The following ATXN8OS variants were observed in gnomAD, a reference collection of about 807,000 sequenced individuals.
ATXN8OS encodes ATXN8 opposite strand lncRNA.
In ATXN8OS at chr13:70,113,809, T is replaced by C. The variant is rs573200619; in HGVS notation, n.241-1332T>C. 9.8e-5 allele frequency among the ~76,000 whole-genome samples: 15 copies of C among 152,310 alleles called. No individual in the cohort carries two copies. The East Asian group carries it at 2.9e-3, about 29-fold the overall frequency. On this transcript the variant is annotated intron_variant and non_coding_transcript_variant, in intron 1 of 4. Coordinates refer to ENST00000678624, the Ensembl canonical transcript of ATXN8OS. ...TTTATATTTTCATTCACCTGCATTA[T>C]TACCAGATCTTTTAAAAATCTAGGA...
rs576342466 is a variant in ATXN8OS at position 70,107,949 on chromosome 13, C to A, written n.170C>A. 14 of 463,668 alleles carry A rather than the reference C, an allele frequency of 3.0e-5. No individual in the cohort carries two copies. In the South Asian group the frequency reaches 6.9e-4, roughly 23 times the overall value. The allele number at this position is 463,668 out of a possible 1,614,324, so 28.7% of individuals were successfully genotyped here. A position where few individuals can be genotyped will look rare whatever the true frequency, so the allele number is the denominator to read the frequency against. On this transcript the variant is annotated non_coding_transcript_exon_variant, in exon 1 of 5. Transcript: ENST00000678624. ...GCGTGGGGACACCACCAGGCAGGAG[C>A]AGAGGCAGGACTGGGACGCCAAAAG...
intron 3 of ATXN8OS, among the ~76,000 whole-genome samples, chr13:70,147,121 G>C (rs577294436): frequency 7.9e-5 from 12 of 152,116 alleles, no homozygotes; most frequent in South Asian, 6.2e-4. Flanking sequence ...AAATAAGCAA[G>C]TCAAAATACA....
At chr13:70,107,634 G>A, upstream of ATXN8OS, 1 of 1,567,944 alleles carries the variant, frequency 6.4e-7, no homozygotes. Context: ...ACGGGTGGCT[G>A]AAGAGTTTCC....
intron 1 of ATXN8OS, among the ~76,000 whole-genome samples, chr13:70,111,474 C>T (rs1888197994): frequency 6.6e-6 from 1 of 152,116 alleles, no homozygotes; most frequent in Non-Finnish European, 1.5e-5. Flanking sequence ...TGTCTCAGGT[C>T]CCTCTTCCTT....
intron 3 of ATXN8OS, among the ~76,000 whole-genome samples, chr13:70,137,357 A>G (rs1238777479): frequency 6.6e-6 from 1 of 152,114 alleles, no homozygotes; most frequent in Non-Finnish European, 1.5e-5. Context: ...TATGTGAAAC[A>G]CCTCTTATTG....
At chr13:70,133,063 G>A (rs1566601998) in intron 3 of ATXN8OS, among the ~76,000 whole-genome samples, 2 of 152,076 alleles carry the variant, frequency 1.3e-5, no homozygotes, top group Admixed American at 6.6e-5. Flanking sequence ...ACCTAGTTAT[G>A]CCTCACTTCG....
chr13:70,121,733 T>G (rs1166020244), intron 2 of ATXN8OS, among the ~76,000 whole-genome samples: 1 of 151,928 alleles, frequency 6.6e-6, no homozygotes, highest in Non-Finnish European at 1.5e-5. Context: ...TAACATATAT[T>G]ATCTTATGTT....
intron 2 of ATXN8OS, among the ~76,000 whole-genome samples, chr13:70,125,899 C>T (rs1019687842): frequency 1.2e-4 from 18 of 152,088 alleles, no homozygotes; most frequent in South Asian, 8.3e-4. Context: ...ACCCCACCAC[C>T]GGGGGTTGTG....
chr13:70,108,309 C>T (rs918442673), intron 1 of ATXN8OS: 2 of 339,438 alleles, frequency 5.9e-6, no homozygotes, highest in Non-Finnish European at 1.1e-5. Flanking sequence ...CCGGGTGGCT[C>T]TGAGAAAGTC....
chr13:70,129,961 A>T (rs576692449), intron 3 of ATXN8OS: 2 of 397,714 alleles, frequency 5.0e-6, no homozygotes. Flanking sequence ...TTAAAAAAAT[A>T]TATGGTGGAT....
intron 3 of ATXN8OS, among the ~76,000 whole-genome samples, chr13:70,143,341 TTGA>T (rs1888741455): frequency 6.6e-6 from 1 of 152,114 alleles, no homozygotes; most frequent in South Asian, 2.1e-4. Context: ...AATTTACCTA[TTGA>T]TGATGATGAG....
chr13:70,167,507 T>C (rs1166017819), intron 4 of ATXN8OS, among the ~76,000 whole-genome samples: 2 of 151,670 alleles, frequency 1.3e-5, no homozygotes, highest in South Asian at 2.1e-4. Context: ...CTGGGGACTG[T>C]TGTGGTGTGG....
chr13:70,139,702 T>C (rs992492686), intron 3 of ATXN8OS, among the ~76,000 whole-genome samples: 1 of 152,130 alleles, frequency 6.6e-6, no homozygotes, highest in Admixed American at 6.6e-5. Flanking sequence ...AGTTTGAGTG[T>C]AGGAAACAGT....
intron 1 of ATXN8OS, chr13:70,108,169 C>A: frequency 2.5e-6 from 1 of 399,800 alleles, no homozygotes; most frequent in Non-Finnish European, 4.4e-6. Flanking sequence ...GTCCTTGCAG[C>A]TCAGAGTTCA....
intron 4 of ATXN8OS, among the ~76,000 whole-genome samples, chr13:70,159,127 CCTTA>C (rs1162027207): frequency 7.3e-5 from 11 of 151,712 alleles, no homozygotes; most frequent in African/African-American, 2.2e-4. Context: ...TTTTAGATCT[CCTTA>C]CTAATTACTA....
intron 4 of ATXN8OS, among the ~76,000 whole-genome samples, chr13:70,148,163 A>T (rs2137497162): frequency 6.6e-6 from 1 of 152,242 alleles, no homozygotes; most frequent in South Asian, 2.1e-4. Context: ...ACCTTAGAAG[A>T]TGTCAGACTC....
chr13:70,125,677 T>C (rs1187126140), intron 2 of ATXN8OS, among the ~76,000 whole-genome samples: 3 of 152,188 alleles, frequency 2.0e-5, no homozygotes, highest in Non-Finnish European at 4.4e-5. Context: ...GTGAGTTTTC[T>C]GAAATGTTTG....
At position 70,160,840 on chromosome 13, in the gene ATXN8OS, A is replaced by AAT. The variant is rs1356876789; in HGVS notation, n.574-8908_574-8907dup. ...ATATAAATATATATTTATATATATA[A>AAT]ATATATTTATATTTTATGTCTCTTT... On this transcript the variant is annotated intron_variant and non_coding_transcript_variant, in intron 4 of 4. Coordinates refer to ENST00000678624, the Ensembl canonical transcript of ATXN8OS. Among the ~76,000 whole-genome samples, 138 of 141,550 alleles carry AAT rather than the reference A, an allele frequency of 9.7e-4. 11 individuals are homozygous for AAT. Among genetic ancestry groups the AAT allele is most frequent in the African/African-American group, 3.4e-3 (131 of 38,210 alleles). The allele number at this position is 141,550 out of a possible 152,430, so 92.9% of individuals were successfully genotyped here. A position where few individuals can be genotyped will look rare whatever the true frequency, so the allele number is the denominator to read the frequency against.
Position 70,152,387 on chromosome 13 carries a change from A to G in ATXN8OS, n.573+4959A>G, listed in dbSNP as rs960936544. Among the ~76,000 whole-genome samples the G allele has an allele frequency of 4.6e-5, 7 of 151,936 alleles. 1 individual carries two copies. Among genetic ancestry groups the G allele is most frequent in the South Asian group, 4.1e-4 (2 of 4,830 alleles). ...TATATACATATATATGTATACATATATATACACATATATACATACAAGTAT... is the reference window on the plus strand; with the variant it reads ...TATATACATATATATGTATACATATGTATACACATATATACATACAAGTAT... On this transcript the variant is annotated intron_variant and non_coding_transcript_variant, in intron 4 of 4. Transcript: ENST00000678624.
Sources: allele counts gnomAD v4.1 joint callset (sites outside exome capture counted in the v4.1 genomes callset), GRCh38; gene constraint gnomAD v4.1.1; transcripts MANE v1.5; gene names NCBI Gene and HGNC (gene_info 2026-07-23, HGNC 2026-07-21).